Variants in CYP4F22 observed in about 807,000 individuals in gnomAD.
CYP4F22 encodes cytochrome P450 family 4 subfamily F member 22.
In CYP4F22, 37 loss-of-function variants were observed where a neutral mutation model predicts 60.4. The ratio of observed to expected loss-of-function variants is 0.61; its 90% CI spans 0.47 to 0.81. The LOEUF is 0.81. Among genes scored for constraint, CYP4F22 ranks in the 30% least tolerant of loss-of-function variants. The pLI, the probability that CYP4F22 is intolerant of heterozygous loss-of-function variation, is 0.00. For synonymous variants in CYP4F22, 258 were observed against 280.5 expected (o/e 0.92, Z 0.80); for missense variants, 655 against 715.0 (o/e 0.92, Z 0.96).
chr19:15,541,898 A>ACATG (rs1265042938), intron 8 of CYP4F22, among the ~76,000 whole-genome samples: 1 of 151,880 alleles, frequency 6.6e-6, no homozygotes, highest in African/African-American at 2.4e-5. Context: ...AAAAAGAAAT[A>ACATG]CATGACCTTG....
intron 1 of CYP4F22, among the ~76,000 whole-genome samples, chr19:15,519,798 C>T (rs945051329): frequency 1.3e-5 from 2 of 152,130 alleles, no homozygotes; most frequent in African/African-American, 4.8e-5. Context: ...TGTTGACTCC[C>T]TCTCAGCACT....
At chr19:15,542,728 C>A (rs1352369227) in intron 8 of CYP4F22, among the ~76,000 whole-genome samples, 2 of 93,220 alleles carry the variant, frequency 2.1e-5, no homozygotes, top group East Asian at 4.3e-4. Context: ...ATAGGCCCCC[C>A]AAGTGTGTGT....
At chr19:15,545,201 C>T (rs1057221940) in intron 10 of CYP4F22, among the ~76,000 whole-genome samples, 1 of 151,722 alleles carries the variant, frequency 6.6e-6, no homozygotes, top group African/African-American at 2.4e-5. Context: ...AGGACATATA[C>T]TCCACTCACC....
At chr19:15,545,648 C>CAAAGAAAAAAA (rs1971514959) in intron 10 of CYP4F22, among the ~76,000 whole-genome samples, 1 of 38,938 alleles carries the variant, frequency 2.6e-5, no homozygotes, top group Non-Finnish European at 4.6e-5. Flanking sequence ...GACCCTGTCT[C>CAAAGAAAAAAA]AAAAAAAAAA....
At chr19:15,536,345 C>A (rs1246866575) in intron 4 of CYP4F22, among the ~76,000 whole-genome samples, 2 of 151,932 alleles carry the variant, frequency 1.3e-5, no homozygotes, top group African/African-American at 4.8e-5. Context: ...CTCAAAAAAA[C>A]AAAAAACAAA....
At chr19:15,546,187 G>T (rs1373884327) in intron 10 of CYP4F22, among the ~76,000 whole-genome samples, 2 of 152,108 alleles carry the variant, frequency 1.3e-5, no homozygotes, top group African/African-American at 4.8e-5. Context: ...TGTTGCCCAG[G>T]CTGCTCTCAA....
chr19:15,531,842 T>C (rs995300096), intron 4 of CYP4F22, among the ~76,000 whole-genome samples: 2 of 152,082 alleles, frequency 1.3e-5, no homozygotes, highest in South Asian at 2.1e-4. Flanking sequence ...CAGTGACTCA[T>C]GCCTGCAGTC....
At chr19:15,550,555 G>T in intron 12 of CYP4F22, 119 bp from the exon 13 acceptor site, 1 of 922,006 alleles carries the variant, frequency 1.1e-6, no homozygotes. Context: ...TGGAATGGAA[G>T]AGGTGGCCCT....
At position 15,544,212 on chromosome 19, in the gene CYP4F22, T is replaced by C. The variant is rs144743413; in HGVS notation, c.1069T>C (p.Tyr357His). The C allele has an allele frequency of 3.5e-5, 56 of 1,614,060 alleles. No homozygotes were observed. The African/African-American group carries it at 6.7e-4, about 19-fold the overall frequency. Residue 357 changes from tyrosine to histidine, a missense_variant, in exon 10 of 14, where the codon TAC (tyrosine) becomes CAC (histidine). Physicochemically the swap from Tyr to His is moderately conservative, Grantham distance 83. Coordinates refer to ENST00000269703, the MANE Select transcript of CYP4F22 (RefSeq NM_173483.4). ...GTTCAATTTGGCAAAGTATCCGGAA[T>C]ACCAGGAGAAATGCCGAGAAGAGAT... ...MLFNLAKYPE[Y>H]QEKCREEIQE...
At chr19:15,514,919 G>T (rs1332291592) in intron 1 of CYP4F22, among the ~76,000 whole-genome samples, 3 of 152,146 alleles carry the variant, frequency 2.0e-5, no homozygotes, top group Non-Finnish European at 4.4e-5. Context: ...TCTGGGGCTG[G>T]TTGAAGGCCT....
chr19:15,529,903 CCTAT>C (rs760645734), intron 4 of CYP4F22, 50 bp downstream of exon 4: 1 of 1,611,272 alleles, frequency 6.2e-7, no homozygotes, highest in African/African-American at 1.3e-5. Context: ...ACTCCCAGAG[CCTAT>C]CTGAGATTCT....
Position 15,544,227 on chromosome 19 carries a change from C to G in CYP4F22, c.1084C>G (p.Arg362Gly), listed in dbSNP as rs745368359. Reference sequence around the variant, plus strand: ...GTATCCGGAATACCAGGAGAAATGCCGAGAAGAGATTCAGGAAGTCATGAA... The same window carrying G: ...GTATCCGGAATACCAGGAGAAATGCGGAGAAGAGATTCAGGAAGTCATGAA... ...AKYPEYQEKC[R>G]EEIQEVMKGR... The change falls in exon 10 of 14, where the codon CGA (arginine) becomes GGA (glycine). Residue 362 changes from arginine to glycine, a missense_variant. Physicochemically the swap from Arg to Gly is moderately radical, Grantham distance 125. Around this residue, in one of 3 missense-constraint regions of CYP4F22, gnomAD observed 74 missense variants for 118.4 expected, o/e 0.62. Transcript: ENST00000269703. 1 of 1,613,948 alleles carries G rather than the reference C, an allele frequency of 6.2e-7. No individual in the cohort carries two copies. The highest frequency in any genetic ancestry group is 8.5e-7 in the Non-Finnish European group (1 of 1,179,992).
chr19:15,518,369 G>T (rs558108560), intron 1 of CYP4F22, among the ~76,000 whole-genome samples: 136 of 151,814 alleles, frequency 9.0e-4, no homozygotes, highest in Admixed American at 1.3e-3. Context: ...GGCCGGGCAC[G>T]GTGGCTCACG....
chr19:15,551,420 C>A lies in CYP4F22; in HGVS notation c.1545C>A (p.Arg515=). 1 of 1,594,468 alleles carries A rather than the reference C, an allele frequency of 6.3e-7. No individual in the cohort carries two copies. ...GGCGGAAGCCGGAGCTCATACTGCG[C>A]ACGGAGAACGGGCTCTGGCTCAAGG... ...KVRRKPELIL[R]TENGLWLKVE... Residue 515 remains arginine, a synonymous_variant, in exon 14 of 14, where the codon CGC becomes CGA. Coordinates refer to ENST00000269703, the MANE Select transcript of CYP4F22 (RefSeq NM_173483.4).
intron 10 of CYP4F22, 92 bp downstream of exon 10, chr19:15,544,371 T>C (rs1971499115): frequency 2.7e-6 from 4 of 1,466,856 alleles, no homozygotes; most frequent in Non-Finnish European, 3.7e-6. Context: ...TTGTGTGACC[T>C]CAGACAAGCC....
intron 1 of CYP4F22, among the ~76,000 whole-genome samples, chr19:15,511,674 TTGGGGTGA>T (rs1971093923): frequency 1.3e-5 from 2 of 152,022 alleles, no homozygotes. Flanking sequence ...GGGCTGGGAT[TTGGGGTGA>T]TGGGGCCAGC....
chr19:15,536,099 GA>G (rs1489694632), intron 4 of CYP4F22, among the ~76,000 whole-genome samples: 18 of 152,312 alleles, frequency 1.2e-4, no homozygotes, highest in African/African-American at 4.3e-4. Context: ...AGCACTTTGG[GA>G]GGCTGAACTT....
At chr19:15,509,904 C>CCTTCCTTTCCTTCCTTCTTTCTTT (rs1323141197) in intron 1 of CYP4F22, among the ~76,000 whole-genome samples, 4 of 86,782 alleles carry the variant, frequency 4.6e-5, no homozygotes, top group East Asian at 9.2e-4. Context: ...TTCCTTCCTT[C>CCTTCCTTTCCTTCCTTCTTTCTTT]CTTTCTTTCT....
At chr19:15,550,840 G>A (rs1466895824) in intron 13 of CYP4F22, 84 bp downstream of exon 13, 7 of 1,512,338 alleles carry the variant, frequency 4.6e-6, no homozygotes, top group Non-Finnish European at 4.6e-6. Flanking sequence ...CTCAGGAGCA[G>A]AGATCAGATG....
Sources: allele counts gnomAD v4.1 joint callset (sites outside exome capture counted in the v4.1 genomes callset), GRCh38; gene constraint gnomAD v4.1.1; regional missense constraint gnomAD v4.1.1; transcripts MANE v1.5; gene names NCBI Gene and HGNC (gene_info 2026-07-23, HGNC 2026-07-21).